Variants in DLG2 observed in about 807,000 individuals in gnomAD.
DLG2 encodes the protein discs large MAGUK scaffold protein 2, also known as disks large homolog 2.
A neutral mutation model predicts 132.5 loss-of-function variants in DLG2; 45 were observed. That is an observed-to-expected ratio of 0.34 (90% CI 0.27 to 0.44). The LOEUF (loss-of-function observed/expected upper bound fraction) is 0.44, where lower values mean the gene tolerates loss of function less well. Among genes scored for constraint, DLG2 ranks in the 20% least tolerant of loss-of-function variants. The pLI, the probability that DLG2 is intolerant of heterozygous loss-of-function variation, is 1.00. For missense variants in DLG2, 1,045 were observed against 1,196.9 expected (o/e 0.87, Z 1.87); for synonymous variants, 424 against 419.6 (o/e 1.01, Z -0.13).
chr11:85,080,715 G>C (rs1243470565), intron 6 of DLG2, among the ~76,000 whole-genome samples: 1 of 152,108 alleles, frequency 6.6e-6, no homozygotes, highest in Non-Finnish European at 1.5e-5. Context: ...CAAAGGGATA[G>C]TTAACAATAT....
At chr11:85,417,235 A>G (rs1233072362) in intron 3 of DLG2, among the ~76,000 whole-genome samples, 1 of 152,018 alleles carries the variant, frequency 6.6e-6, no homozygotes, top group Non-Finnish European at 1.5e-5. Flanking sequence ...TGTTTATGTG[A>G]TTAATAACTT....
chr11:84,620,842 T>C (rs1265239419), intron 6 of DLG2, among the ~76,000 whole-genome samples: 2 of 152,112 alleles, frequency 1.3e-5, no homozygotes, highest in Admixed American at 6.6e-5. Context: ...CTTAGTAATT[T>C]CAATCCTAAG....
At chr11:84,993,486 G>A (rs1232281293) in intron 6 of DLG2, among the ~76,000 whole-genome samples, 1 of 152,228 alleles carries the variant, frequency 6.6e-6, no homozygotes, top group Non-Finnish European at 1.5e-5. Flanking sequence ...GCAGGAGCAA[G>A]AAAGATTAGG....
chr11:84,244,187 T>C (rs982787844), intron 8 of DLG2, among the ~76,000 whole-genome samples: 8 of 149,408 alleles, frequency 5.4e-5, no homozygotes, highest in African/African-American at 1.7e-4. Context: ...CTTCATTTTC[T>C]TTTTTTTTTC....
chr11:84,214,345 A>G lies in DLG2; in HGVS notation c.573+36893T>C, dbSNP rs146026904. Among the ~76,000 whole-genome samples the G allele has an allele frequency of 1.6e-3, 235 of 149,532 alleles. 1 individual carries two copies. The highest frequency in any genetic ancestry group is 5.0e-3 in the African/African-American group (206 of 40,802). ...TATATATGTTTTTATGTGTACATACATATGTATATGTTTATATACAAACAT... is the reference window on the plus strand; with the variant it reads ...TATATATGTTTTTATGTGTACATACGTATGTATATGTTTATATACAAACAT... On this transcript the variant is annotated intron_variant, in intron 8 of 27. Coordinates refer to ENST00000376104, the MANE Select transcript of DLG2 (RefSeq NM_001142699.3).
chr11:83,985,015 T>C (rs2093143260), intron 11 of DLG2, among the ~76,000 whole-genome samples: 1 of 152,130 alleles, frequency 6.6e-6, no homozygotes, highest in South Asian at 2.1e-4. Context: ...TGAGTGAGTG[T>C]AGTTGAAACA....
intron 17 of DLG2, among the ~76,000 whole-genome samples, chr11:83,787,362 C>A (rs2040288024): frequency 7.7e-6 from 1 of 130,128 alleles, no homozygotes; most frequent in Non-Finnish European, 1.6e-5. Flanking sequence ...CGCTCTTTCG[C>A]CCAGGCTGGA....
chr11:84,445,972 T>C (rs1474174337), intron 7 of DLG2, among the ~76,000 whole-genome samples: 1 of 150,980 alleles, frequency 6.6e-6, no homozygotes, highest in Non-Finnish European at 1.5e-5. Context: ...CAAATATTTA[T>C]TTTCCCTCAC....
intron 6 of DLG2, among the ~76,000 whole-genome samples, chr11:84,655,204 C>T (rs2099686746): frequency 1.3e-5 from 2 of 152,114 alleles, no homozygotes; most frequent in Non-Finnish European, 2.9e-5. Flanking sequence ...CATTCTATTT[C>T]CTCCCGTCCC....
chr11:83,899,466 C>G (rs565484995), intron 15 of DLG2, among the ~76,000 whole-genome samples: 1 of 152,308 alleles, frequency 6.6e-6, no homozygotes, highest in African/African-American at 2.4e-5. Flanking sequence ...CAATTCTCAC[C>G]TTGTGGCTCC....
chr11:85,208,952 C>T (rs1164873002), intron 4 of DLG2, among the ~76,000 whole-genome samples: 5 of 152,144 alleles, frequency 3.3e-5, no homozygotes. Context: ...TTCAACCGTA[C>T]TCCCCTATCT....
At chr11:85,356,718 G>T (rs1476924662) in intron 3 of DLG2, among the ~76,000 whole-genome samples, 1 of 151,900 alleles carries the variant, frequency 6.6e-6, no homozygotes, top group Non-Finnish European at 1.5e-5. Flanking sequence ...GCTCCAAGAG[G>T]GCAGGAATCA....
intron 8 of DLG2, among the ~76,000 whole-genome samples, chr11:84,240,882 T>C (rs763660594): frequency 6.6e-6 from 1 of 152,062 alleles, no homozygotes; most frequent in Non-Finnish European, 1.5e-5. Flanking sequence ...ATCCTAAATA[T>C]ATGAGAAGAT....
chr11:84,540,345 G>GA lies in DLG2; in HGVS notation c.358-5615dup, dbSNP rs752804994. 3.6e-3 allele frequency among the ~76,000 whole-genome samples: 416 copies of GA among 116,322 alleles called. 1 individual carries two copies. The highest frequency in any genetic ancestry group is 5.1e-3 in the East Asian group (19 of 3,690). The allele number at this position is 116,322 out of a possible 152,430, so 76.3% of individuals were successfully genotyped here. A position where few individuals can be genotyped will look rare whatever the true frequency, so the allele number is the denominator to read the frequency against. ...ACAAAGAACTTAAACAAATTTACAAGAAAAAAAAAAAAAAACCCCATCAAA... is the reference window on the plus strand; with the variant it reads ...ACAAAGAACTTAAACAAATTTACAAGAAAAAAAAAAAAAAAACCCCATCAAA... On this transcript the variant is annotated intron_variant, in intron 6 of 27. Transcript: ENST00000376104.
intron 10 of DLG2, among the ~76,000 whole-genome samples, chr11:84,095,351 A>T (rs926214021): frequency 2.0e-4 from 31 of 152,324 alleles, no homozygotes; most frequent in African/African-American, 7.0e-4. Flanking sequence ...TATTGTCACC[A>T]CTTTACAAAT....
At chr11:84,612,663 T>C (rs191798903) in intron 6 of DLG2, among the ~76,000 whole-genome samples, 4 of 152,286 alleles carry the variant, frequency 2.6e-5, no homozygotes, top group African/African-American at 9.6e-5. Context: ...AGTTCATAAA[T>C]ATTTTATAAT....
At chr11:84,963,435 T>C (rs2052876370) in intron 6 of DLG2, among the ~76,000 whole-genome samples, 1 of 148,098 alleles carries the variant, frequency 6.8e-6, no homozygotes, top group Non-Finnish European at 1.5e-5. Flanking sequence ...GCCCACTCTA[T>C]AGACTGCCTC....
intron 3 of DLG2, among the ~76,000 whole-genome samples, chr11:85,465,454 G>T (rs560547983): frequency 6.6e-6 from 1 of 151,210 alleles, no homozygotes; most frequent in African/African-American, 2.4e-5. Context: ...ATCCCTCCCC[G>T]CTCCCCCCAC....
chr11:83,894,011 A>G (rs1384750), intron 15 of DLG2, among the ~76,000 whole-genome samples: 9,658 of 152,278 alleles, frequency 0.063, 399 homozygotes, highest in East Asian at 0.17. Flanking sequence ...TCCAAACTTT[A>G]TCAAGGCATA....
Sources: allele counts gnomAD v4.1 joint callset (sites outside exome capture counted in the v4.1 genomes callset), GRCh38; gene constraint gnomAD v4.1.1; transcripts MANE v1.5; gene names NCBI Gene and HGNC (gene_info 2026-07-23, HGNC 2026-07-21).